The following ANKS1B variants were observed in gnomAD, a reference collection of about 807,000 sequenced individuals.
ANKS1B encodes the protein ankyrin repeat and sterile alpha motif domain containing 1B, also known as ankyrin repeat and sterile alpha motif domain-containing protein 1B.
A neutral mutation model predicts 148.3 loss-of-function variants in ANKS1B; 36 were observed. That is an observed-to-expected ratio of 0.24 (90% CI 0.19 to 0.32). The LOEUF is 0.32. Among genes scored for constraint, ANKS1B ranks in the 10% least tolerant of loss-of-function variants. The pLI, the probability that ANKS1B is intolerant of heterozygous loss-of-function variation, is 1.00. For missense variants in ANKS1B, 1,157 were observed against 1,542.6 expected, an observed-to-expected ratio of 0.75 and a Z score of 4.19; for synonymous variants, 542 against 560.8, an observed-to-expected ratio of 0.97 and a Z score of 0.47.
chr12:99,479,187 A>G (rs2096371993), intron 10 of ANKS1B, among the ~76,000 whole-genome samples: 1 of 152,064 alleles, frequency 6.6e-6, no homozygotes, highest in South Asian at 2.1e-4. Context: ...CTAAACATAA[A>G]GTTTTCAAAT....
intron 8 of ANKS1B, among the ~76,000 whole-genome samples, chr12:99,662,128 AG>A (rs1163410456): frequency 6.6e-6 from 1 of 152,180 alleles, no homozygotes; most frequent in Non-Finnish European, 1.5e-5. Flanking sequence ...TTATTATTTT[AG>A]ATGTTTTTGT....
At chr12:99,827,447 T>C in intron 1 of ANKS1B, among the ~76,000 whole-genome samples, 1 of 151,962 alleles carries the variant, frequency 6.6e-6, no homozygotes, top group African/African-American at 2.4e-5. Flanking sequence ...GATGAACAAG[T>C]GTAGAGGTCT....
chr12:99,035,444 GATCAGACCCTTTTTTTGGTCC>G (rs2099954924), intron 17 of ANKS1B, among the ~76,000 whole-genome samples: 1 of 152,138 alleles, frequency 6.6e-6, no homozygotes, highest in Non-Finnish European at 1.5e-5. Flanking sequence ...ATTAGCATTA[GATCAGACCCTTTTTTTGGTCC>G]AATAATATTT....
At chr12:99,909,386 T>G (rs921304871) in intron 1 of ANKS1B, among the ~76,000 whole-genome samples, 1 of 152,174 alleles carries the variant, frequency 6.6e-6, no homozygotes, top group Non-Finnish European at 1.5e-5. Flanking sequence ...AGGTGCTGAC[T>G]TCATTTCCGT....
chr12:99,136,687 A>G (rs1047022728), intron 15 of ANKS1B, among the ~76,000 whole-genome samples: 4 of 152,222 alleles, frequency 2.6e-5, no homozygotes, highest in Admixed American at 2.6e-4. Flanking sequence ...GATAACCACC[A>G]GAAGGACTAA....
chr12:99,676,649 AT>A (rs1360742316), intron 8 of ANKS1B, among the ~76,000 whole-genome samples: 3 of 152,260 alleles, frequency 2.0e-5, no homozygotes, highest in African/African-American at 7.2e-5. Flanking sequence ...AATTTGAAAT[AT>A]TCCATTAAGT....
At position 99,812,699 on chromosome 12, in the gene ANKS1B, A is replaced by AT. The variant is rs556735960; in HGVS notation, c.216-389dup. On this transcript the variant is annotated intron_variant, in intron 2 of 26. Transcript: ENST00000683438. ...TAAAATGAAGAGGATACCAACTCCCATTTTTTTTTTTAAAAAAAGAGCTCT... is the reference window on the plus strand; with the variant it reads ...TAAAATGAAGAGGATACCAACTCCCATTTTTTTTTTTTAAAAAAAGAGCTCT... 5.7e-3 allele frequency among the ~76,000 whole-genome samples: 846 copies of AT among 148,410 alleles called. 8 individuals are homozygous for AT. The highest frequency in any genetic ancestry group is 0.014 in the Middle Eastern group (4 of 286).
rs543608895 is a variant in ANKS1B, at chr12:99,912,691, T to C, written c.134+71413A>G. 1.2e-4 allele frequency among the ~76,000 whole-genome samples: 19 copies of C among 152,186 alleles called. No homozygotes were observed. The South Asian group carries it at 1.5e-3, about 12-fold the overall frequency. The stretch of plus-strand genomic sequence containing the variant: ...TAACACTGACAAATTTTACTTTGAG[T>C]GTTAAGGCTATCTGTATATTCAAAT... On this transcript the variant is annotated intron_variant, in intron 1 of 26. Transcript: ENST00000683438.
At chr12:99,198,548 A>C (rs2081662974) in intron 14 of ANKS1B, among the ~76,000 whole-genome samples, 1 of 152,186 alleles carries the variant, frequency 6.6e-6, no homozygotes. Context: ...TGTCTAAATT[A>C]GTTGTCTAAA....
intron 10 of ANKS1B, among the ~76,000 whole-genome samples, chr12:99,468,044 C>T (rs2152891380): frequency 6.6e-6 from 1 of 152,314 alleles, no homozygotes; most frequent in East Asian, 1.9e-4. Context: ...AACTACACTA[C>T]AAGGCTACAG....
rs946693391 is a variant in ANKS1B at position 98,881,284 on chromosome 12, T to C, written c.2779-49148A>G. Among the ~76,000 whole-genome samples, 4 of 152,220 alleles carry C rather than the reference T, an allele frequency of 2.6e-5. No homozygotes were observed. In the East Asian group the frequency reaches 5.8e-4, roughly 22 times the overall value. On this transcript the variant is annotated intron_variant, in intron 17 of 26. Transcript: ENST00000683438. ...CTTGCCTGTGGTTTACTCAAGACTATAGAAATTCAGAGTAATCAATCATTC... is the reference window on the plus strand; with the variant it reads ...CTTGCCTGTGGTTTACTCAAGACTACAGAAATTCAGAGTAATCAATCATTC...
chr12:99,155,845 C>T (rs963761484), intron 14 of ANKS1B, among the ~76,000 whole-genome samples: 2 of 152,124 alleles, frequency 1.3e-5, no homozygotes, highest in Non-Finnish European at 2.9e-5. Flanking sequence ...AGAGCTCTTA[C>T]TACTTCTCAC....
intron 9 of ANKS1B, among the ~76,000 whole-genome samples, chr12:99,543,135 A>G (rs1345836757): frequency 1.3e-5 from 2 of 152,090 alleles, no homozygotes; most frequent in Non-Finnish European, 2.9e-5. Flanking sequence ...TAACAATAAA[A>G]AGACAAATTA....
At chr12:99,609,346 G>A (rs758579645) in intron 9 of ANKS1B, among the ~76,000 whole-genome samples, 1 of 151,762 alleles carries the variant, frequency 6.6e-6, no homozygotes, top group Admixed American at 6.6e-5. Flanking sequence ...AAGTAACTCA[G>A]AACCAAAACC....
At chr12:99,156,574 G>C (rs548815965) in intron 14 of ANKS1B, among the ~76,000 whole-genome samples, 1 of 152,224 alleles carries the variant, frequency 6.6e-6, no homozygotes, top group East Asian at 1.9e-4. Flanking sequence ...AGGATTACTT[G>C]CTGGTCTCTA....
chr12:98,799,988 C>T (rs2098987435), intron 21 of ANKS1B, among the ~76,000 whole-genome samples: 1 of 151,962 alleles, frequency 6.6e-6, no homozygotes, highest in Admixed American at 6.6e-5. Context: ...GGGATGGGAA[C>T]CACTCTTGTG....
At chr12:99,556,198 G>A (rs561111715) in intron 9 of ANKS1B, among the ~76,000 whole-genome samples, 6 of 152,184 alleles carry the variant, frequency 3.9e-5, no homozygotes, top group Admixed American at 3.9e-4. Context: ...TTTCTTCCAG[G>A]TGTTCTCGAT....
chr12:98,949,078 A>T (rs935697691), intron 17 of ANKS1B, among the ~76,000 whole-genome samples: 4 of 148,210 alleles, frequency 2.7e-5, no homozygotes, highest in Non-Finnish European at 5.9e-5. Context: ...TCAGCCTCCC[A>T]AGTAGCTGGG....
chr12:99,606,408 A>G (rs780952956), intron 9 of ANKS1B, among the ~76,000 whole-genome samples: 7 of 151,950 alleles, frequency 4.6e-5, no homozygotes, highest in Non-Finnish European at 1.0e-4. Context: ...ACTATAATTT[A>G]TAACTTTTAG....
Sources: allele counts gnomAD v4.1 joint callset (sites outside exome capture counted in the v4.1 genomes callset), GRCh38; gene constraint gnomAD v4.1.1; transcripts MANE v1.5; gene names NCBI Gene and HGNC (gene_info 2026-07-23, HGNC 2026-07-21).